Variants in PPP1R1C observed in about 807,000 individuals in gnomAD.
PPP1R1C encodes the protein protein phosphatase 1 regulatory subunit 1C.
In PPP1R1C, 15 loss-of-function variants were observed where a neutral mutation model predicts 17.4. The observed-to-expected ratio is 0.86, with a 90% CI of 0.58 to 1.33. The LOEUF (loss-of-function observed/expected upper bound fraction) is 1.33. Ranked by LOEUF, PPP1R1C falls within the 40% of genes most tolerant of loss-of-function variation. The pLI, the probability that PPP1R1C is intolerant of heterozygous loss-of-function variation, is 0.00. For missense variants in PPP1R1C, 143 were observed against 130.0 expected (o/e 1.10, Z -0.48); for synonymous variants, 35 against 43.1 (o/e 0.81, Z 0.73).
chr2:182,089,480 A>G (rs1359368565), intron 4 of PPP1R1C, among the ~76,000 whole-genome samples: 1 of 152,188 alleles, frequency 6.6e-6, no homozygotes, highest in East Asian at 1.9e-4. Context: ...CTTTTCTAGG[A>G]AATCTTCAGA....
Position 181,960,946 on chromosome 2 carries a change from T to C in PPP1R1C, n.111+6312T>C, listed in dbSNP as rs1574339334. ...GATAGCAAACATTTTAGTAGACAAT[T>C]CCATAATATACCCTGATTTTAAAAG... is the stretch of plus-strand genomic sequence containing the variant. On this transcript the variant is annotated intron_variant and non_coding_transcript_variant, in intron 1 of 5. Coordinates refer to the PPP1R1C transcript ENST00000464264. Among the ~76,000 whole-genome samples, 5 of 152,270 alleles carry C rather than the reference T, an allele frequency of 3.3e-5. 1 individual carries two copies. The highest frequency in any genetic ancestry group is 3.3e-4 in the Admixed American group (5 of 15,298).
chr2:182,024,052 A>C (rs1196014573), intron 2 of PPP1R1C: 2 of 152,246 alleles, frequency 1.3e-5, no homozygotes, highest in Non-Finnish European at 2.9e-5. Context: ...TTTAAAGGAA[A>C]GTGTGACCCA....
intron 1 of PPP1R1C, among the ~76,000 whole-genome samples, chr2:181,964,692 GTTTA>G (rs1684875806): frequency 6.9e-6 from 1 of 145,440 alleles, no homozygotes; most frequent in Non-Finnish European, 1.5e-5. Flanking sequence ...TCTCACTGTA[GTTTA>G]TTTTATTTAT....
At chr2:182,120,788 A>G (rs1689715628), downstream of PPP1R1C, among the ~76,000 whole-genome samples, 1 of 152,166 alleles carries the variant, frequency 6.6e-6, no homozygotes. Context: ...CTGATTTTGT[A>G]ACATCATTTA....
intron 4 of PPP1R1C, among the ~76,000 whole-genome samples, chr2:182,114,397 T>A (rs1689521957): frequency 7.1e-6 from 1 of 141,098 alleles, no homozygotes; most frequent in Admixed American, 6.9e-5. Flanking sequence ...TCCTCAAACA[T>A]CAAATGGGGG....
At chr2:182,114,212 G>C (rs1440907577) in intron 4 of PPP1R1C, among the ~76,000 whole-genome samples, 1 of 152,156 alleles carries the variant, frequency 6.6e-6, no homozygotes, top group Non-Finnish European at 1.5e-5. Flanking sequence ...CCCTAGCTGA[G>C]TCTGCACTTG....
chr2:181,993,043 C>G (rs936829823), intron 2 of PPP1R1C, among the ~76,000 whole-genome samples: 5 of 151,984 alleles, frequency 3.3e-5, no homozygotes, highest in Admixed American at 2.0e-4. Context: ...GATTCTGAAA[C>G]TAAGTTAAAA....
intron 4 of PPP1R1C, among the ~76,000 whole-genome samples, chr2:182,071,868 G>A (rs549480990): frequency 2.2e-4 from 33 of 152,222 alleles, no homozygotes; most frequent in Non-Finnish European, 3.7e-4. Flanking sequence ...TTCCATTAAT[G>A]TCAGGGTGTT....
chr2:182,090,520 A>C (rs1688752405), intron 4 of PPP1R1C, among the ~76,000 whole-genome samples: 1 of 152,178 alleles, frequency 6.6e-6, no homozygotes, highest in African/African-American at 2.4e-5. Context: ...TTTCTGCTAC[A>C]ACTTGCTGAA....
intron 5 of PPP1R1C, among the ~76,000 whole-genome samples, chr2:182,122,936 A>G (rs1689769472): frequency 6.6e-6 from 1 of 152,102 alleles, no homozygotes; most frequent in Non-Finnish European, 1.5e-5. Flanking sequence ...TACAGGTGCC[A>G]TGGTGGTTTG....
At chr2:182,047,423 A>G (rs527469823) in intron 2 of PPP1R1C, among the ~76,000 whole-genome samples, 1 of 152,280 alleles carries the variant, frequency 6.6e-6, no homozygotes, top group South Asian at 2.1e-4. Context: ...AATCTGTAAA[A>G]GTTATGTTAA....
intron 2 of PPP1R1C, among the ~76,000 whole-genome samples, chr2:181,992,987 A>G (rs968823497): frequency 1.3e-5 from 2 of 152,162 alleles, no homozygotes; most frequent in African/African-American, 4.8e-5. Flanking sequence ...GCCACAGTTT[A>G]TACTGTATGT....
chr2:182,105,257 G>C (rs760898213), intron 4 of PPP1R1C, among the ~76,000 whole-genome samples: 1 of 152,134 alleles, frequency 6.6e-6, no homozygotes, highest in South Asian at 2.1e-4. Flanking sequence ...GGAGTGAATA[G>C]CATTCTGAGA....
At chr2:181,975,910 G>A (rs1185246757) in intron 2 of PPP1R1C, among the ~76,000 whole-genome samples, 4 of 151,976 alleles carry the variant, frequency 2.6e-5, no homozygotes, top group African/African-American at 7.2e-5. Flanking sequence ...AGAAGACAAA[G>A]CATGTTTTTT....
chr2:181,968,078 T>C (rs918654259), intron 1 of PPP1R1C, among the ~76,000 whole-genome samples: 2 of 152,282 alleles, frequency 1.3e-5, no homozygotes, highest in African/African-American at 2.4e-5. Context: ...ATTCCAGTTA[T>C]GTTTTTAATT....
At position 182,002,930 on chromosome 2, in the gene PPP1R1C, T is replaced by TC. The variant is rs36118410; in HGVS notation, c.142+15041dup. 5.8e-3 allele frequency among the ~76,000 whole-genome samples: 431 copies of TC among 74,646 alleles called. 7 individuals carry two copies. Among genetic ancestry groups the TC allele is most frequent in the African/African-American group, 0.023 (355 of 15,658 alleles). 49.0% of individuals were successfully genotyped at this position (74,646 alleles called of 152,430 possible). On this transcript the variant is annotated intron_variant, in intron 2 of 4. Transcript: ENST00000682840. The stretch of plus-strand genomic sequence containing the variant: ...ACCACCAAGAGTGATGCCATAAACC[T>TC]CCCCCCCCCCACAACCCTGAAATCC...
chr2:181,990,127 T>G (rs964119630), intron 2 of PPP1R1C, among the ~76,000 whole-genome samples: 6 of 148,538 alleles, frequency 4.0e-5, no homozygotes, highest in Non-Finnish European at 8.9e-5. Context: ...GAAAGGGATA[T>G]CTCCAAGCTT....
At chr2:182,015,691 T>C (rs1574378970) in intron 2 of PPP1R1C, among the ~76,000 whole-genome samples, 1 of 152,094 alleles carries the variant, frequency 6.6e-6, no homozygotes, top group East Asian at 1.9e-4. Context: ...CCAGGGTATG[T>C]CTAGAAATGT....
chr2:181,990,170 C>T (rs1275704431), intron 2 of PPP1R1C, among the ~76,000 whole-genome samples: 2 of 151,802 alleles, frequency 1.3e-5, no homozygotes, highest in South Asian at 2.1e-4. Context: ...AGACAGTCAC[C>T]CTCTGTCGCC....
Sources: gnomAD v4.1 joint callset for allele counts (sites outside exome capture counted in the v4.1 genomes callset) on GRCh38, gnomAD v4.1.1 for gene constraint, MANE v1.5 for transcripts, NCBI Gene and HGNC (gene_info 2026-07-23, HGNC 2026-07-21) for gene names.